Variants in MYBL2 observed in about 807,000 individuals in gnomAD.
MYBL2 encodes the protein MYB proto-oncogene like 2.
A neutral mutation model predicts 79.9 loss-of-function variants in MYBL2; 28 were observed. That is an observed-to-expected ratio of 0.35 (90% CI 0.26 to 0.48). The LOEUF (loss-of-function observed/expected upper bound fraction) is 0.48. Ranked by LOEUF, MYBL2 falls within the 20% of genes least tolerant of loss-of-function variation. The pLI is 0.99. For missense variants in MYBL2, 735 were observed against 893.9 expected (o/e 0.82, Z 2.27); for synonymous variants, 378 against 361.2 (o/e 1.05, Z -0.53).
intron 2 of MYBL2, among the ~76,000 whole-genome samples, chr20:43,675,312 A>G (rs912723122): frequency 1.3e-5 from 2 of 149,270 alleles, no homozygotes; most frequent in East Asian, 2.0e-4. Context: ...CAGTTTGATC[A>G]GTTTTTTTTC....
intron 9 of MYBL2, among the ~76,000 whole-genome samples, chr20:43,706,543 G>A (rs1377302741): frequency 6.6e-6 from 1 of 151,424 alleles, no homozygotes; most frequent in Non-Finnish European, 1.5e-5. Context: ...ACATAATTTC[G>A]GGAAAAGATT....
intron 12 of MYBL2, 104 bp downstream of exon 12, chr20:43,713,210 A>G: frequency 4.4e-6 from 2 of 457,752 alleles, no homozygotes; most frequent in Non-Finnish European, 8.6e-6. Flanking sequence ...TGGGCTCTGC[A>G]GGGAGGGGCT....
At chr20:43,708,425 A>G (rs1205964192) in intron 9 of MYBL2, among the ~76,000 whole-genome samples, 1 of 151,974 alleles carries the variant, frequency 6.6e-6, no homozygotes, top group African/African-American at 2.4e-5. Context: ...TAATGTGTGT[A>G]TATACACTCT....
intron 1 of MYBL2, among the ~76,000 whole-genome samples, chr20:43,670,113 C>T (rs1024525190): frequency 1.1e-4 from 16 of 150,836 alleles, no homozygotes; most frequent in African/African-American, 4.0e-4. Context: ...TCAAAATAAA[C>T]AAACAAACAA....
At chr20:43,704,364 T>C (rs1487493333) in intron 8 of MYBL2, among the ~76,000 whole-genome samples, 1 of 152,128 alleles carries the variant, frequency 6.6e-6, no homozygotes, top group East Asian at 1.9e-4. Context: ...TACAGTCCCA[T>C]TCTGAGGTGC....
In MYBL2 at chr20:43,702,519, A is replaced by G; in HGVS notation, c.981A>G (p.Lys327=). The change falls in exon 8 of 14, where the codon AAA becomes AAG. Residue 327 remains lysine (K), a synonymous_variant. Coordinates refer to ENST00000217026, the MANE Select transcript of MYBL2 (RefSeq NM_002466.4). The part of the protein sequence containing the change: ...SDPDAWCDLS[K]FDLPEEPSAE... ...CTGATGCTTGGTGTGACCTGAGTAA[A>G]TTTGACCTCCCTGAGGAACCATCTG... 1 of 1,608,722 alleles carries G rather than the reference A, an allele frequency of 6.2e-7. No homozygotes were observed.
intron 1 of MYBL2, among the ~76,000 whole-genome samples, chr20:43,668,685 GTTTTT>G (rs3091868): frequency 2.8e-5 from 3 of 106,244 alleles, no homozygotes; most frequent in Admixed American, 1.0e-4. Context: ...CCCTGCCCTG[GTTTTT>G]TTTTTTTTTT....
intron 1 of MYBL2, among the ~76,000 whole-genome samples, chr20:43,672,144 GAGGTTAC>G (rs1986876328): frequency 2.1e-5 from 1 of 48,752 alleles, no homozygotes; most frequent in South Asian, 6.9e-4. Context: ...CTGGGGGGCA[GAGGTTAC>G]AGTGAGCTGA....
chr20:43,671,526 G>A (rs1986856791), intron 1 of MYBL2, among the ~76,000 whole-genome samples: 1 of 133,718 alleles, frequency 7.5e-6, no homozygotes, highest in African/African-American at 2.9e-5. Flanking sequence ...AGGCTAGAGT[G>A]CAATGGCTTG....
intron 2 of MYBL2, among the ~76,000 whole-genome samples, chr20:43,674,357 T>G (rs1323338021): frequency 6.7e-6 from 1 of 148,772 alleles, no homozygotes; most frequent in Admixed American, 6.8e-5. Flanking sequence ...CTGCCTCAGG[T>G]GCGATTACAG....
intron 2 of MYBL2, among the ~76,000 whole-genome samples, chr20:43,678,084 T>C (rs1372140715): frequency 2.0e-5 from 3 of 150,370 alleles, no homozygotes; most frequent in African/African-American, 5.0e-5. Context: ...TGTGCTTTGT[T>C]AAACAGACGC....
At chr20:43,715,370 A>T in intron 13 of MYBL2, 87 bp downstream of exon 13, 2 of 1,579,416 alleles carry the variant, frequency 1.3e-6, no homozygotes, top group Non-Finnish European at 1.7e-6. Context: ...GGGGTCCTGC[A>T]GTGCCCGCCT....
intron 2 of MYBL2, among the ~76,000 whole-genome samples, chr20:43,676,545 A>G (rs1030545961): frequency 1.3e-5 from 2 of 152,232 alleles, no homozygotes; most frequent in Non-Finnish European, 2.9e-5. Context: ...TTGTATGGGT[A>G]TACCACACAG....
At chr20:43,710,575 G>C (rs1987883023) in intron 10 of MYBL2, among the ~76,000 whole-genome samples, 1 of 152,180 alleles carries the variant, frequency 6.6e-6, no homozygotes, top group African/African-American at 2.4e-5. Context: ...TTGGCACCTT[G>C]GGCTTTCTGA....
chr20:43,700,117 A>G, intron 7 of MYBL2, 73 bp downstream of exon 7: 1 of 1,540,988 alleles, frequency 6.5e-7, no homozygotes. Flanking sequence ...TCAGGCCCAC[A>G]TCCTTTTGCT....
chr20:43,705,900 C>T (rs774962380), intron 9 of MYBL2, among the ~76,000 whole-genome samples: 3 of 151,458 alleles, frequency 2.0e-5, no homozygotes, highest in Non-Finnish European at 4.4e-5. Flanking sequence ...CAGGATTTCA[C>T]CGTATTAGCC....
At chr20:43,684,587 G>A (rs1174125216) in intron 4 of MYBL2, among the ~76,000 whole-genome samples, 3 of 150,026 alleles carry the variant, frequency 2.0e-5, no homozygotes, top group Non-Finnish European at 4.4e-5. Context: ...TGTTTTCCAG[G>A]CTGGTCTTGA....
At chr20:43,709,367 C>G (rs1419655328) in intron 9 of MYBL2, among the ~76,000 whole-genome samples, 2 of 152,230 alleles carry the variant, frequency 1.3e-5, no homozygotes, top group African/African-American at 4.8e-5. Flanking sequence ...TTTCTGCCCC[C>G]CTGCTCTAGG....
Position 43,699,783 on chromosome 20 carries a change from C to T in MYBL2, c.690C>T (p.Ser230=), listed in dbSNP as rs745706704. The T allele has an allele frequency of 2.7e-5, 43 of 1,614,018 alleles. No homozygotes were observed. The highest frequency in any genetic ancestry group is 1.6e-4 in the Middle Eastern group (1 of 6,064). The change falls in exon 7 of 14, where the codon TCC becomes TCT. Residue 230 remains serine, a synonymous_variant. Coordinates refer to ENST00000217026, the MANE Select transcript of MYBL2 (RefSeq NM_002466.4). ...GQGSLLTNWP[S]VPPTIKEEEN... Reference sequence around the variant, plus strand: ...GAAGTCTTCTGACCAACTGGCCCTCCGTCCCTCCTACCATAAAGGAGGAGG... The same window carrying T: ...GAAGTCTTCTGACCAACTGGCCCTCTGTCCCTCCTACCATAAAGGAGGAGG...
Sources: gnomAD v4.1 joint callset for allele counts (sites outside exome capture counted in the v4.1 genomes callset) on GRCh38, gnomAD v4.1.1 for gene constraint, MANE v1.5 for transcripts, NCBI Gene and HGNC (gene_info 2026-07-23, HGNC 2026-07-21) for gene names.